APOB: variants seen among roughly 807,000 people sequenced by gnomAD.
The protein encoded by APOB is apolipoprotein B.
In APOB, 153 loss-of-function variants were observed where a neutral mutation model predicts 314.1. The ratio of observed to expected loss-of-function variants is 0.49; its 90% CI spans 0.43 to 0.56. APOB has a LOEUF of 0.56. Among genes scored for constraint, APOB ranks in the 20% least tolerant of loss-of-function variants. The probability of loss-of-function intolerance (pLI) is 0.00; values close to 1 mark genes in which losing one functional copy is unlikely to be tolerated. For synonymous variants in APOB, 2,087 were observed against 2,036.4 expected (o/e 1.02, Z -0.67); for missense variants, 5,430 against 5,350.7 (o/e 1.01, Z -0.46).
At position 21,043,877 on chromosome 2, in the gene APOB, C is replaced by T. The variant is rs1476195819; in HGVS notation, c.69G>A (p.Ala23=). 4.0e-6 allele frequency: 6 copies of T among 1,491,916 alleles called. 1 individual carries two copies. The highest frequency in any genetic ancestry group is 3.8e-5 in the South Asian group (3 of 79,800). 92.4% of individuals were successfully genotyped at this position (1,491,916 alleles called of 1,614,324 possible). A position where few individuals can be genotyped will look rare whatever the true frequency, so the allele number is the denominator to read the frequency against. ...ALPALLLLLL[A]GARAEEEMLE... is the part of the protein sequence containing the mutation. ...CCGCGCACTCACCGGCCCTGGCGCCCGCCAGCAGCAGCAGCAGCAGCGCAG... is the reference window on the plus strand; with the variant it reads ...CCGCGCACTCACCGGCCCTGGCGCCTGCCAGCAGCAGCAGCAGCAGCGCAG... The change falls in exon 1 of 29, where the codon GCG becomes GCA. Residue 23 remains alanine (A), a synonymous_variant. Coordinates refer to ENST00000233242, the MANE Select transcript of APOB (RefSeq NM_000384.3).
chr2:21,022,653 T>G (rs1663640088), intron 18 of APOB, among the ~76,000 whole-genome samples, 178 bp downstream of exon 18: 1 of 152,252 alleles, frequency 6.6e-6, no homozygotes, highest in African/African-American at 2.4e-5. Flanking sequence ...TATGTAGTTA[T>G]GTAGTAAGTC....
chr2:21,035,515 G>A, intron 7 of APOB, 69 bp downstream of exon 7: 1 of 1,586,728 alleles, frequency 6.3e-7, no homozygotes, highest in East Asian at 2.2e-5. Flanking sequence ...CTGGAACAGA[G>A]CACTTGAGAA....
rs886055586 is a variant in APOB, at chr2:21,011,862, T to C, written c.5006A>G (p.Asn1669Ser). The C allele has an allele frequency of 6.2e-7, 1 of 1,614,118 alleles. No individual in the cohort carries two copies. The highest frequency in any genetic ancestry group is 1.6e-4 in the Middle Eastern group (1 of 6,062). The change falls in exon 26 of 29, where the codon AAT becomes AGT. Residue 1669 changes from asparagine (N) to serine (S), a missense_variant. This residue lies in a region of APOB where 2,085 missense variants were observed against 2,079.7 expected (regional missense o/e 1.00). Coordinates refer to ENST00000233242, the MANE Select transcript of APOB (RefSeq NM_000384.3). ...GAGGCCAAGCTCTGCATTCAGCTCA[T>C]TCTCCAGCACCAGGAGACTACACTT... Reference protein sequence around the residue: ...NLKCSLLVLENELNAELGLSG... With the variant: ...NLKCSLLVLESELNAELGLSG...
chr2:21,018,750 G>A (rs917442510), intron 20 of APOB, among the ~76,000 whole-genome samples: 1 of 151,962 alleles, frequency 6.6e-6, no homozygotes, highest in African/African-American at 2.4e-5. Flanking sequence ...AACTTGTTTG[G>A]TTGTTCACTG....
At position 21,012,608 on chromosome 2, in the gene APOB, T is replaced by C. The variant is rs753403908; in HGVS notation, c.4260A>G (p.Leu1420=). 4.3e-6 allele frequency: 7 copies of C among 1,613,046 alleles called. No homozygotes were observed. The Admixed American group carries it at 6.7e-5, about 15-fold the overall frequency. The part of the protein sequence containing the change: ...TTYDHKNTFT[L]SCDGSLRHKF... Reference sequence around the variant, plus strand: ...TGTGGCGTAGAGACCCATCACATGATAGTGTGAACGTATTCTTGTGGTCAT... The same window carrying C: ...TGTGGCGTAGAGACCCATCACATGACAGTGTGAACGTATTCTTGTGGTCAT... The change falls in exon 26 of 29, where the codon CTA becomes CTG. Residue 1420 remains leucine (L), a synonymous_variant. Transcript: ENST00000233242.
intron 9 of APOB, among the ~76,000 whole-genome samples, 177 bp downstream of exon 9, chr2:21,033,122 C>A (rs1663919209): frequency 6.6e-6 from 1 of 152,194 alleles, no homozygotes; most frequent in African/African-American, 2.4e-5. Context: ...GTGTGTGTTT[C>A]ATGGAACTCA....
rs781649409 is a variant in APOB, at chr2:21,007,541, G to A, written c.9327C>T (p.Asn3109=). The part of the protein sequence containing the change: ...NQNFSAGNNE[N]IMEAHVGING... Reference sequence around the variant, plus strand: ...TTATTCCTACATGGGCCTCCATAATGTTCTCGTTGTTTCCAGCAGAGAAAT... The same window carrying A: ...TTATTCCTACATGGGCCTCCATAATATTCTCGTTGTTTCCAGCAGAGAAAT... Residue 3109 remains asparagine, a synonymous_variant, in exon 26 of 29, where the codon AAC becomes AAT. Coordinates refer to ENST00000233242, the MANE Select transcript of APOB (RefSeq NM_000384.3). 1 of 1,614,020 alleles carries A rather than the reference G, an allele frequency of 6.2e-7. No individual in the cohort carries two copies. Among genetic ancestry groups the A allele is most frequent in the Non-Finnish European group, 8.5e-7 (1 of 1,179,944 alleles).
At chr2:21,004,187 A>G in intron 28 of APOB, 82 bp downstream of exon 28, 1 of 1,479,532 alleles carries the variant, frequency 6.8e-7, no homozygotes. Flanking sequence ...GGAATCTCTG[A>G]ATATTTGGTC....
At position 21,021,154 on chromosome 2, in the gene APOB, T is replaced by C. The variant is rs563992102; in HGVS notation, c.2817-1249A>G. Among the ~76,000 whole-genome samples, 26 of 152,346 alleles carry C rather than the reference T, an allele frequency of 1.7e-4. 1 individual carries two copies. Among genetic ancestry groups the C allele is most frequent in the Non-Finnish European group, 3.4e-4 (23 of 68,034 alleles). On this transcript the variant is annotated intron_variant, in intron 18 of 28. Transcript: ENST00000233242. ...ACATCAAATACAGCACATCCAAAACTGAATTTGTCACTTTCCTTGAAACCA... is the reference window on the plus strand; with the variant it reads ...ACATCAAATACAGCACATCCAAAACCGAATTTGTCACTTTCCTTGAAACCA...
Position 21,027,863 on chromosome 2 carries a change from T to C in APOB, c.2032A>G (p.Thr678Ala), listed in dbSNP as rs1173757192. Reference protein sequence around the residue: ...PKESMLKTTLTAFGFASADLI... With the variant: ...PKESMLKTTLAAFGFASADLI... The stretch of plus-strand genomic sequence containing the variant: ...TCAGCTGAAGCAAATCCAAAGGCAG[T>C]GAGGGTAGTTTTCAGCATGCTTTCT... The change falls in exon 14 of 29, where the codon ACT (threonine) becomes GCT (alanine). Residue 678 changes from threonine (T) to alanine (A), a missense_variant. Physicochemically the swap from Thr to Ala is moderately conservative, Grantham distance 58. Coordinates refer to ENST00000233242, the MANE Select transcript of APOB (RefSeq NM_000384.3). 1 of 1,613,804 alleles carries C rather than the reference T, an allele frequency of 6.2e-7. No individual in the cohort carries two copies. Among genetic ancestry groups the C allele is most frequent in the East Asian group, 2.2e-5 (1 of 44,872 alleles).
At chr2:21,029,582 C>A in intron 12 of APOB, 57 bp downstream of exon 12, 1 of 1,588,118 alleles carries the variant, frequency 6.3e-7, no homozygotes, top group Non-Finnish European at 8.6e-7. Flanking sequence ...TCCCCTAGTA[C>A]CTTCCAAATC....
At chr2:21,027,390 T>C (rs1271855537) in intron 14 of APOB, among the ~76,000 whole-genome samples, 1 of 146,028 alleles carries the variant, frequency 6.8e-6, no homozygotes, top group Non-Finnish European at 1.5e-5. Flanking sequence ...CTCGGCTCAC[T>C]GCAAGCTCAG....
In APOB at chr2:21,027,883, C is replaced by A; in HGVS notation, c.2012G>T (p.Ser671Ile). 1 of 1,614,158 alleles carries A rather than the reference C, an allele frequency of 6.2e-7. No homozygotes were observed. The highest frequency in any genetic ancestry group is 1.7e-5 in the Admixed American group (1 of 60,022). Residue 671 changes from serine (S) to isoleucine (I), a missense_variant, in exon 14 of 29, where the codon AGC becomes ATC. Ser to Ile is a moderately radical substitution (Grantham distance 142, BLOSUM62 -2). Coordinates refer to ENST00000233242, the MANE Select transcript of APOB (RefSeq NM_000384.3). The stretch of plus-strand genomic sequence containing the variant: ...GGCAGTGAGGGTAGTTTTCAGCATG[C>A]TTTCTTTAGGAAGGTAGTTATTTGG... ...FDPNNYLPKE[S>I]MLKTTLTAFG... is the part of the protein sequence containing the mutation.
chr2:21,013,268 A>G lies in APOB; in HGVS notation c.4108T>C (p.Ser1370Pro). Reference sequence around the variant, plus strand: ...GTGTTGCCACCACTGTAGGAGGCGGACCAGTTGTACAAGTTGCTGTAGACA... The same window carrying G: ...GTGTTGCCACCACTGTAGGAGGCGGGCCAGTTGTACAAGTTGCTGTAGACA... ...TNVYSNLYNW[S>P]ASYSGGNTST... The change falls in exon 25 of 29, where the codon TCC (serine) becomes CCC (proline). Residue 1370 changes from serine to proline, a missense_variant. Coordinates refer to ENST00000233242, the MANE Select transcript of APOB (RefSeq NM_000384.3). 2 of 1,614,228 alleles carry G rather than the reference A, an allele frequency of 1.2e-6. No individual in the cohort carries two copies. The highest frequency in any genetic ancestry group is 2.2e-5 in the South Asian group (2 of 91,084).
chr2:21,017,311 G>T (rs1165121223), intron 20 of APOB, among the ~76,000 whole-genome samples: 1 of 152,148 alleles, frequency 6.6e-6, no homozygotes, highest in Non-Finnish European at 1.5e-5. Flanking sequence ...ACCTTCTAGT[G>T]GGGGAGGTGT....
rs1443577555 is a variant in APOB, at chr2:21,010,990, T to C, written c.5878A>G (p.Ile1960Val). ...ACTTTGTGTTCAAGAGCTGCACTGATGCTTTTCCTAGACACGAGATGATGA... is the reference window on the plus strand; with the variant it reads ...ACTTTGTGTTCAAGAGCTGCACTGACGCTTTTCCTAGACACGAGATGATGA... ...TSHHLVSRKS[I>V]SAALEHKVSA... Residue 1960 changes from isoleucine to valine, a missense_variant, in exon 26 of 29, where the codon ATC becomes GTC. This residue lies in a region of APOB where 3,281 missense variants were observed against 3,171.0 expected (regional missense o/e 1.03). Transcript: ENST00000233242. 1.2e-6 allele frequency: 2 copies of C among 1,614,086 alleles called. No homozygotes were observed. Among genetic ancestry groups the C allele is most frequent in the East Asian group, 4.5e-5 (2 of 44,900 alleles).
intron 21 of APOB, 146 bp downstream of exon 21, chr2:21,016,293 A>G: frequency 3.2e-6 from 2 of 617,486 alleles, no homozygotes; most frequent in Non-Finnish European, 5.8e-6. Flanking sequence ...TCTCAAAAAA[A>G]AAAAAAATTG....
Position 21,002,358 on chromosome 2 carries a change from T to C in APOB, c.13064A>G (p.Asn4355Ser). 6.2e-7 allele frequency: 1 copy of C among 1,609,220 alleles called. No homozygotes were observed. Among genetic ancestry groups the C allele is most frequent in the Non-Finnish European group, 8.5e-7 (1 of 1,178,212 alleles). Residue 4355 changes from asparagine (N) to serine (S), a missense_variant, in exon 29 of 29, where the codon AAT becomes AGT. Transcript: ENST00000233242. ...AATAAATTCATTGAACTTATGAAGA[T>C]TAAGGCATAGGTTTTCTTTCAACAA... ...FKLLKENLCLNLHKFNEFIQN... is the reference protein window; with the variant it reads ...FKLLKENLCLSLHKFNEFIQN...
Position 21,009,189 on chromosome 2 carries a change from T to A in APOB, c.7679A>T (p.Asn2560Ile), listed in dbSNP as rs778064199. Residue 2560 changes from asparagine (N) to isoleucine (I), a missense_variant, in exon 26 of 29, where the codon AAC (asparagine) becomes ATC (isoleucine). Around this residue, in one of 3 missense-constraint regions of APOB, gnomAD observed 3,281 missense variants for 3,171.0 expected, o/e 1.03. Transcript: ENST00000233242. ...ATATTGCTCTGCAAAGTCAGTAAGG[T>A]TCTTAGCAGCAAGAGTCCACCAATC... The part of the protein sequence containing the change: ...ISDWWTLAAK[N>I]LTDFAEQYSI... 1.9e-6 allele frequency: 3 copies of A among 1,614,058 alleles called. No homozygotes were observed. The highest frequency in any genetic ancestry group is 2.5e-6 in the Non-Finnish European group (3 of 1,179,962).
Sources: gnomAD v4.1 joint callset for allele counts (sites outside exome capture counted in the v4.1 genomes callset) on GRCh38, gnomAD v4.1.1 for gene constraint, gnomAD v4.1.1 regional missense constraint, MANE v1.5 for transcripts, NCBI Gene and HGNC (gene_info 2026-07-23, HGNC 2026-07-21) for gene names.